Variants in TAFA2 observed in about 807,000 individuals in gnomAD.
TAFA2 encodes chemokine-like protein TAFA-2.
Under a neutral mutation model 18.8 loss-of-function variants are expected in TAFA2, and 7 were observed. The ratio of observed to expected loss-of-function variants is 0.37; its 90% confidence interval spans 0.21 to 0.70. The LOEUF is 0.70. TAFA2 is among the 30% of genes least tolerant of loss of function. TAFA2 has a pLI of 0.53. For synonymous variants in TAFA2, 60 were observed against 54.2 expected, an observed-to-expected ratio of 1.11 and a Z score of -0.47; for missense variants, 122 against 158.1, an observed-to-expected ratio of 0.77 and a Z score of 1.23.
intron 1 of TAFA2, among the ~76,000 whole-genome samples, chr12:62,211,141 C>A (rs2062711490): frequency 6.6e-6 from 1 of 152,162 alleles, no homozygotes; most frequent in African/African-American, 2.4e-5. Flanking sequence ...AGCACCTGCC[C>A]TTTGTCGAGC....
intron 1 of TAFA2, among the ~76,000 whole-genome samples, chr12:61,922,467 A>C (rs1182671226): frequency 6.6e-6 from 1 of 152,200 alleles, no homozygotes; most frequent in African/African-American, 2.4e-5. Context: ...GGAGCAGGGT[A>C]GGGTCACCTC....
intron 1 of TAFA2, among the ~76,000 whole-genome samples, chr12:62,203,455 T>C (rs528108350): frequency 1.3e-5 from 2 of 152,332 alleles, no homozygotes; most frequent in African/African-American, 4.8e-5. Flanking sequence ...TCTCCCACTA[T>C]TATTGTGTGG....
intron 1 of TAFA2, among the ~76,000 whole-genome samples, chr12:62,040,768 A>G (rs990676058): frequency 1.9e-4 from 29 of 152,204 alleles, no homozygotes; most frequent in Admixed American, 7.2e-4. Flanking sequence ...GTACCCACGA[A>G]TGACACTAAG....
chr12:61,811,182 C>G (rs1871853534), intron 2 of TAFA2, among the ~76,000 whole-genome samples: 1 of 151,250 alleles, frequency 6.6e-6, no homozygotes, highest in Non-Finnish European at 1.5e-5. Flanking sequence ...AGTAATAATG[C>G]ATATGAGCAT....
At chr12:62,032,273 C>G (rs1405115114) in intron 1 of TAFA2, among the ~76,000 whole-genome samples, 1 of 152,144 alleles carries the variant, frequency 6.6e-6, no homozygotes, top group Non-Finnish European at 1.5e-5. Flanking sequence ...CAGGAAAGGA[C>G]TTCATTTAAG....
At chr12:61,849,533 G>A (rs1873555145) in intron 2 of TAFA2, among the ~76,000 whole-genome samples, 1 of 152,062 alleles carries the variant, frequency 6.6e-6, no homozygotes, top group Non-Finnish European at 1.5e-5. Context: ...AAATCACTAA[G>A]TACATAACTT....
In TAFA2 at chr12:62,030,888, G is replaced by A. The variant is rs184555286; in HGVS notation, c.-2+160371C>T. Among the ~76,000 whole-genome samples the A allele has an allele frequency of 1.4e-4, 22 of 152,206 alleles. 1 individual carries two copies. Among genetic ancestry groups the A allele is most frequent in the Admixed American group, 1.3e-3 (20 of 15,286 alleles). On this transcript the variant is annotated intron_variant, in intron 1 of 4. Transcript: ENST00000416284. ...TTGGGTTTCAGAAGTAGGAGTAACG[G>A]GTTTCTGGAGCTTCCTCTTCACCCT...
intron 1 of TAFA2, among the ~76,000 whole-genome samples, chr12:61,955,665 A>ATATATATT (rs1200280189): frequency 3.3e-5 from 4 of 120,454 alleles, no homozygotes; most frequent in African/African-American, 1.0e-4. Context: ...ATATATATAT[A>ATATATATT]TATATTTAAT....
intron 4 of TAFA2, among the ~76,000 whole-genome samples, chr12:61,739,360 T>G (rs1484779999): frequency 6.6e-6 from 1 of 152,026 alleles, no homozygotes; most frequent in Non-Finnish European, 1.5e-5. Flanking sequence ...ACCTTGACAA[T>G]GTCTCCATCT....
chr12:61,995,423 C>A (rs1880151450), intron 1 of TAFA2, among the ~76,000 whole-genome samples: 1 of 152,172 alleles, frequency 6.6e-6, no homozygotes, highest in African/African-American at 2.4e-5. Context: ...ACTACATTTT[C>A]TCTAATTGTA....
chr12:62,090,577 G>A (rs943085351), intron 1 of TAFA2, among the ~76,000 whole-genome samples: 1 of 152,028 alleles, frequency 6.6e-6, no homozygotes, highest in African/African-American at 2.4e-5. Flanking sequence ...GAAATCGTTG[G>A]GGACAGAAAT....
chr12:62,093,002 T>C (rs1868786334), intron 1 of TAFA2, among the ~76,000 whole-genome samples: 1 of 152,048 alleles, frequency 6.6e-6, no homozygotes, highest in Non-Finnish European at 1.5e-5. Context: ...TTATTTGATA[T>C]AGGAAATTTG....
At chr12:61,855,758 T>A (rs1873857759) in intron 2 of TAFA2, among the ~76,000 whole-genome samples, 1 of 152,054 alleles carries the variant, frequency 6.6e-6, no homozygotes, top group Non-Finnish European at 1.5e-5. Context: ...CAGAAATGGC[T>A]TATCATTGAG....
intron 1 of TAFA2, among the ~76,000 whole-genome samples, chr12:62,005,869 T>C (rs1175676294): frequency 2.6e-5 from 4 of 152,064 alleles, no homozygotes; most frequent in African/African-American, 9.7e-5. Context: ...TATCTGCCAA[T>C]GAAAAAACAT....
rs1873224007 is a variant in TAFA2 at position 61,842,382 on chromosome 12, T to C, written c.106+24938A>G. Among the ~76,000 whole-genome samples the C allele has an allele frequency of 3.9e-5, 6 of 152,046 alleles. No individual in the cohort carries two copies. In the South Asian group the frequency reaches 1.2e-3, roughly 31 times the overall value. On this transcript the variant is annotated intron_variant, in intron 2 of 4. Transcript: ENST00000416284. Reference sequence around the variant, plus strand: ...TCAGATCAGCATGTTTTTTTATTTTTTTTTTAAGTTGAACTCTGTTGTCCT... The same window carrying C: ...TCAGATCAGCATGTTTTTTTATTTTCTTTTTAAGTTGAACTCTGTTGTCCT...
chr12:61,821,162 C>CAT (rs1397671531), intron 2 of TAFA2, among the ~76,000 whole-genome samples: 1 of 143,778 alleles, frequency 7.0e-6, no homozygotes, highest in African/African-American at 2.5e-5. Flanking sequence ...CACACACACA[C>CAT]ACAATTATTT....
At chr12:61,838,528 A>G (rs1258551479) in intron 2 of TAFA2, among the ~76,000 whole-genome samples, 2 of 152,006 alleles carry the variant, frequency 1.3e-5, no homozygotes, top group South Asian at 4.1e-4. Context: ...ATCATCCAAG[A>G]TGAAGTAGTC....
At chr12:62,152,325 C>A (rs545257119) in intron 1 of TAFA2, among the ~76,000 whole-genome samples, 5 of 152,264 alleles carry the variant, frequency 3.3e-5, no homozygotes, top group South Asian at 4.1e-4. Flanking sequence ...ACAGCACAGG[C>A]ATAAGAAAAC....
chr12:62,085,483 T>G (rs185468230), intron 1 of TAFA2, among the ~76,000 whole-genome samples: 45 of 152,258 alleles, frequency 3.0e-4, no homozygotes, highest in Non-Finnish European at 5.9e-4. Context: ...TAATTAATTC[T>G]CATGCTGGCA....
Sources: allele counts gnomAD v4.1 joint callset (sites outside exome capture counted in the v4.1 genomes callset), GRCh38; gene constraint gnomAD v4.1.1; transcripts MANE v1.5; gene names NCBI Gene and HGNC (gene_info 2026-07-23, HGNC 2026-07-21).